SBF2: variants seen among roughly 807,000 people sequenced by gnomAD.
SBF2 encodes myotubularin-related protein 13.
Under a neutral mutation model 225.2 loss-of-function variants are expected in SBF2, and 112 were observed. The ratio of observed to expected loss-of-function variants is 0.50; its 90% CI spans 0.43 to 0.58. The LOEUF is 0.58. Among genes scored for constraint, SBF2 ranks in the 20% least tolerant of loss-of-function variants. The pLI, the probability that SBF2 is intolerant of heterozygous loss-of-function variation, is 0.00. For synonymous variants in SBF2, 763 were observed against 773.3 expected (o/e 0.99, Z 0.22); for missense variants, 1,996 against 2,206.2 (o/e 0.90, Z 1.91).
chr11:9,883,864 T>C (rs184736771), intron 17 of SBF2, among the ~76,000 whole-genome samples: 1 of 152,298 alleles, frequency 6.6e-6, no homozygotes, highest in African/African-American at 2.4e-5. Flanking sequence ...AAGTTATTTT[T>C]TGGAGGCTAG....
chr11:10,001,385 C>T (rs776850338), intron 7 of SBF2, among the ~76,000 whole-genome samples: 7 of 151,642 alleles, frequency 4.6e-5, no homozygotes, highest in Admixed American at 3.9e-4. Flanking sequence ...CAGTATGAGG[C>T]AATGATTTAT....
At chr11:10,293,220 T>C (rs937618569) in intron 1 of SBF2, among the ~76,000 whole-genome samples, 1 of 152,002 alleles carries the variant, frequency 6.6e-6, no homozygotes, top group Non-Finnish European at 1.5e-5. Context: ...GCATGAACCC[T>C]GAATTCTCTT....
At chr11:10,145,633 T>A (rs963690037) in intron 2 of SBF2, among the ~76,000 whole-genome samples, 4 of 152,196 alleles carry the variant, frequency 2.6e-5, no homozygotes, top group African/African-American at 9.7e-5. Context: ...ATAGTTATTA[T>A]CATCACAGGA....
At chr11:9,898,864 G>A (rs1312875316) in intron 16 of SBF2, among the ~76,000 whole-genome samples, 2 of 151,892 alleles carry the variant, frequency 1.3e-5, no homozygotes, top group African/African-American at 4.8e-5. Flanking sequence ...AATAAATAAA[G>A]GAATAAACAT....
intron 36 of SBF2, among the ~76,000 whole-genome samples, chr11:9,785,862 A>C (rs930622972): frequency 1.1e-5 from 1 of 94,210 alleles, no homozygotes; most frequent in Non-Finnish European, 2.4e-5. Flanking sequence ...AAAAAAAATA[A>C]AGATGTTGAT....
At chr11:10,295,799 G>A (rs746664709), upstream of SBF2, among the ~76,000 whole-genome samples, 1 of 151,694 alleles carries the variant, frequency 6.6e-6, no homozygotes, top group African/African-American at 2.4e-5. Context: ...TCTGCTCTCC[G>A]GAACTATCCA....
chr11:10,173,936 C>G (rs560175802), intron 2 of SBF2, among the ~76,000 whole-genome samples: 1 of 151,978 alleles, frequency 6.6e-6, no homozygotes, highest in Non-Finnish European at 1.5e-5. Context: ...TCCAACAGAC[C>G]TGCAGCTGAG....
intron 28 of SBF2, among the ~76,000 whole-genome samples, chr11:9,826,512 G>A (rs1005817475): frequency 1.3e-5 from 2 of 152,080 alleles, no homozygotes; most frequent in South Asian, 2.1e-4. Flanking sequence ...TTTCCTGAAG[G>A]GTTTTACGTG....
intron 1 of SBF2, among the ~76,000 whole-genome samples, chr11:10,279,796 C>T (rs938943213): frequency 2.0e-5 from 3 of 152,246 alleles, no homozygotes; most frequent in South Asian, 4.1e-4. Flanking sequence ...ATTACAGGCA[C>T]GCACCACCAC....
In SBF2 at chr11:9,792,939, G is replaced by GT. The variant is rs34305025; in HGVS notation, c.4571-2257dup. Among the ~76,000 whole-genome samples the GT allele has an allele frequency of 2.2e-3, 261 of 121,190 alleles. 1 individual carries two copies. Among genetic ancestry groups the GT allele is most frequent in the Middle Eastern group, 0.013 (3 of 236 alleles). The allele number at this position is 121,190 out of a possible 152,430, so 79.5% of individuals were successfully genotyped here. A position where few individuals can be genotyped will look rare whatever the true frequency, so the allele number is the denominator to read the frequency against. ...AGCTAATTTGTGTGTGTGTGTGTGT[G>GT]TTTTTTTTTTTTTTTTTTGTAGAGA... On this transcript the variant is annotated intron_variant, in intron 33 of 39. Transcript: ENST00000256190.
At chr11:10,233,311 T>C (rs569392815) in intron 1 of SBF2, among the ~76,000 whole-genome samples, 11 of 152,184 alleles carry the variant, frequency 7.2e-5, no homozygotes, top group Non-Finnish European at 1.3e-4. Flanking sequence ...ATAAGTATTA[T>C]GTTCTAATCA....
intron 2 of SBF2, among the ~76,000 whole-genome samples, chr11:10,046,203 C>T (rs947766046): frequency 2.6e-5 from 4 of 152,132 alleles, no homozygotes; most frequent in Admixed American, 2.6e-4. Context: ...CCTGCAGATT[C>T]CAAAGGACAA....
At chr11:9,911,234 G>C (rs547743817) in intron 16 of SBF2, among the ~76,000 whole-genome samples, 29 of 151,988 alleles carry the variant, frequency 1.9e-4, no homozygotes, top group Admixed American at 4.6e-4. Flanking sequence ...CGGGTGTGGT[G>C]GTGGGTGCCT....
chr11:10,037,457 G>T (rs926698042), intron 3 of SBF2, among the ~76,000 whole-genome samples: 1 of 151,984 alleles, frequency 6.6e-6, no homozygotes, highest in African/African-American at 2.4e-5. Flanking sequence ...CTGCTATTTC[G>T]AATTTTTAGT....
intron 16 of SBF2, among the ~76,000 whole-genome samples, chr11:9,939,636 G>A (rs1293794330): frequency 6.6e-6 from 1 of 152,084 alleles, no homozygotes; most frequent in Non-Finnish European, 1.5e-5. Context: ...ATTTACAAGA[G>A]CAACTGAATC....
chr11:10,251,257 A>G (rs774400971), intron 1 of SBF2, among the ~76,000 whole-genome samples: 6 of 152,194 alleles, frequency 3.9e-5, no homozygotes, highest in Non-Finnish European at 7.4e-5. Flanking sequence ...TATTGTCAGG[A>G]AGCCTTCACT....
rs562691847 is a variant in SBF2 at position 9,792,777 on chromosome 11, G to A, written c.4571-2094C>T. Among the ~76,000 whole-genome samples, 4 of 151,974 alleles carry A rather than the reference G, an allele frequency of 2.6e-5. No individual in the cohort carries two copies. The South Asian group carries it at 8.3e-4, about 32-fold the overall frequency. On this transcript the variant is annotated intron_variant, in intron 33 of 39. Coordinates refer to ENST00000256190, the MANE Select transcript of SBF2 (RefSeq NM_030962.4). ...TTATGTGTTGTTGTTTTTGAGACAG[G>A]GTCTCAACCCTGTCACCCAGGCTGG...
chr11:9,999,297 G>A (rs917146782), intron 8 of SBF2, among the ~76,000 whole-genome samples: 1 of 94,894 alleles, frequency 1.1e-5, no homozygotes, highest in African/African-American at 3.6e-5. Flanking sequence ...ATGTATGTAT[G>A]TATGTATGTA....
intron 37 of SBF2, 101 bp from the exon 38 acceptor site, chr11:9,784,539 C>A: frequency 1.1e-6 from 1 of 913,974 alleles, no homozygotes; most frequent in Non-Finnish European, 1.8e-6. Context: ...TCTATTTCCC[C>A]TAGATGATTC....
Sources: allele counts gnomAD v4.1 joint callset (sites outside exome capture counted in the v4.1 genomes callset), GRCh38; gene constraint gnomAD v4.1.1; transcripts MANE v1.5; gene names NCBI Gene and HGNC (gene_info 2026-07-23, HGNC 2026-07-21).